PCDHGA4: variants seen among roughly 807,000 people sequenced by gnomAD.
PCDHGA4 encodes protocadherin gamma-A4.
In PCDHGA4, 38 loss-of-function variants were observed where a neutral mutation model predicts 54.6. That is an observed-to-expected ratio of 0.70 (90% CI 0.54 to 0.91). The LOEUF (loss-of-function observed/expected upper bound fraction) is 0.91. Ranked by LOEUF, PCDHGA4 falls within the 40% of genes least tolerant of loss-of-function variation. The probability of loss-of-function intolerance (pLI) is 0.00; values close to 1 mark genes in which losing one functional copy is unlikely to be tolerated. For synonymous variants in PCDHGA4, 511 were observed against 512.9 expected, an observed-to-expected ratio of 1.00 and a Z score of 0.05; for missense variants, 1,298 against 1,220.9, an observed-to-expected ratio of 1.06 and a Z score of -0.94.
chr5:141,393,187 A>T (rs1327222319), intron 1 of PCDHGA4: 1 of 1,613,380 alleles, frequency 6.2e-7, no homozygotes, highest in East Asian at 2.2e-5. Flanking sequence ...GAAATAATTG[A>T]TATTAACGAT....
At chr5:141,415,469 C>G (rs1247738517) in intron 1 of PCDHGA4, 1 of 1,614,090 alleles carries the variant, frequency 6.2e-7, no homozygotes, top group Non-Finnish European at 8.5e-7. Context: ...TCTCTCACCG[C>G]GGACTCGCGA....
In PCDHGA4 at chr5:141,471,102, G is replaced by A. The variant is rs922174682; in HGVS notation, c.2515-23705G>A. 3.4e-5 allele frequency among the ~76,000 whole-genome samples: 5 copies of A among 146,522 alleles called. No individual in the cohort carries two copies. The Admixed American group carries it at 3.5e-4, about 10-fold the overall frequency. On this transcript the variant is annotated intron_variant, in intron 1 of 3. Coordinates refer to ENST00000571252, the MANE Select transcript of PCDHGA4 (RefSeq NM_018917.4). ...CTCCCTCTGTTGTCCAGGCTAGAGTGCAGTGGTGCGATCTTACCTTCACTG... is the reference window on the plus strand; with the variant it reads ...CTCCCTCTGTTGTCCAGGCTAGAGTACAGTGGTGCGATCTTACCTTCACTG...
intron 1 of PCDHGA4, chr5:141,390,054 T>G (rs763200251): frequency 6.2e-7 from 1 of 1,614,070 alleles, no homozygotes; most frequent in Non-Finnish European, 8.5e-7. Context: ...CTCCTGGAGC[T>G]GCTTCCAGCC....
At chr5:141,390,455 T>C (rs2092151799) in intron 1 of PCDHGA4, 6 of 771,128 alleles carry the variant, frequency 7.8e-6, no homozygotes, top group Non-Finnish European at 1.2e-5. Context: ...AGGAGTAAAG[T>C]AGGAGCAATT....
At position 141,493,906 on chromosome 5, in the gene PCDHGA4, G is replaced by A. The variant is rs2099750764; in HGVS notation, c.2515-901G>A. ...CTCTAGGAGTGCTCCATGAGAGTGT[G>A]TGATGGGATAACACACCCCCTGGAA... is the stretch of plus-strand genomic sequence containing the variant. On this transcript the variant is annotated intron_variant, in intron 1 of 3. Transcript: ENST00000571252. The surrounding 1 kb of genome is among the most constrained non-coding windows in gnomAD (Gnocchi z 4.3). Among the ~76,000 whole-genome samples the A allele has an allele frequency of 6.6e-6, 1 of 152,200 alleles. No individual in the cohort carries two copies. Among genetic ancestry groups the A allele is most frequent in the Non-Finnish European group, 1.5e-5 (1 of 68,032 alleles).
chr5:141,439,579 G>A (rs980322898), intron 1 of PCDHGA4, among the ~76,000 whole-genome samples: 6 of 152,148 alleles, frequency 3.9e-5, no homozygotes, highest in African/African-American at 1.4e-4. Context: ...GGGACTCAGA[G>A]TGCCACTGTT....
intron 1 of PCDHGA4, chr5:141,375,937 A>G (rs777064247): frequency 1.5e-5 from 24 of 1,613,516 alleles, no homozygotes; most frequent in African/African-American, 6.7e-5. Flanking sequence ...GACTTTTCTC[A>G]GTGGGCCTGC....
At chr5:141,383,365 G>A (rs763555331) in intron 1 of PCDHGA4, 9 of 1,614,014 alleles carry the variant, frequency 5.6e-6, no homozygotes, top group Admixed American at 3.3e-5. Flanking sequence ...TCCGTTAAGC[G>A]AGGCTGGGGA....
At chr5:141,466,765 G>A (rs1199343616) in intron 1 of PCDHGA4, among the ~76,000 whole-genome samples, 1 of 151,996 alleles carries the variant, frequency 6.6e-6, no homozygotes, top group African/African-American at 2.4e-5. Context: ...TTTTCAAACT[G>A]TTATCTTATT....
At chr5:141,474,361 T>C (rs2099347915) in intron 1 of PCDHGA4, among the ~76,000 whole-genome samples, 2 of 152,210 alleles carry the variant, frequency 1.3e-5, no homozygotes, top group South Asian at 2.1e-4. Context: ...CATGTCTCAG[T>C]AGGTCTAGAG....
At chr5:141,449,266 G>T (rs1398403120) in intron 1 of PCDHGA4, among the ~76,000 whole-genome samples, 1 of 152,042 alleles carries the variant, frequency 6.6e-6, no homozygotes, top group Non-Finnish European at 1.5e-5. Context: ...ACAAAGAACT[G>T]TATCTCCTTC....
rs777990962 is a variant in PCDHGA4, at chr5:141,431,580, A to T, written c.2515-63227A>T. ...GCTACCGACCCTGACGAAGGAGTCA[A>T]TGCGGAAGTGAGGTATTCCTTCCGG... is the stretch of plus-strand genomic sequence containing the variant. On this transcript the variant is annotated intron_variant, in intron 1 of 3. Coordinates refer to ENST00000571252, the MANE Select transcript of PCDHGA4 (RefSeq NM_018917.4). The surrounding 1 kb of genome is among the most constrained non-coding windows in gnomAD (Gnocchi z 4.8). The T allele has an allele frequency of 6.2e-7, 1 of 1,614,216 alleles. No individual in the cohort carries two copies.
intron 1 of PCDHGA4, among the ~76,000 whole-genome samples, chr5:141,450,166 T>TCCCACCACACC (rs1046248061): frequency 2.0e-5 from 3 of 151,062 alleles, no homozygotes; most frequent in African/African-American, 7.3e-5. Flanking sequence ...GCCACCACAC[T>TCCCACCACACC]CCCACCACAC....
chr5:141,390,185 T>C, intron 1 of PCDHGA4: 1 of 1,614,042 alleles, frequency 6.2e-7, no homozygotes, highest in Non-Finnish European at 8.5e-7. Context: ...TCCTAAAATG[T>C]AGTGAGCAGT....
chr5:141,389,196 C>T, intron 1 of PCDHGA4: 1 of 1,614,048 alleles, frequency 6.2e-7, no homozygotes, highest in South Asian at 1.1e-5. Flanking sequence ...CAGCATCACC[C>T]TGCACATTGG....
Position 141,393,456 on chromosome 5 carries a change from T to A in PCDHGA4, c.2514+35835T>A. ...TGCTCACCACCTGGTCCTCACGGCC[T>A]CGGATGGCGGCAAGCCGCCTCGCTC... On this transcript the variant is annotated intron_variant, in intron 1 of 3. Coordinates refer to ENST00000571252, the MANE Select transcript of PCDHGA4 (RefSeq NM_018917.4). 1 of 1,614,026 alleles carries A rather than the reference T, an allele frequency of 6.2e-7. No individual in the cohort carries two copies. Among genetic ancestry groups the A allele is most frequent in the African/African-American group, 1.3e-5 (1 of 75,058 alleles).
chr5:141,378,619 T>G (rs190214323), intron 1 of PCDHGA4: 1 of 152,306 alleles, frequency 6.6e-6, no homozygotes, highest in African/African-American at 2.4e-5. Context: ...TAAAAATAGA[T>G]GACTGACTGG....
In PCDHGA4 at chr5:141,388,603, C is replaced by T. The variant is rs558931275; in HGVS notation, c.2514+30982C>T. The T allele has an allele frequency of 6.9e-5, 111 of 1,613,860 alleles. 1 individual carries two copies. The South Asian group carries it at 1.2e-3, about 18-fold the overall frequency. ...GTGACTGATGCCAATGATAATGCTCCAGTGTTCAGTCAAGACGTATACAGG... is the reference window on the plus strand; with the variant it reads ...GTGACTGATGCCAATGATAATGCTCTAGTGTTCAGTCAAGACGTATACAGG... On this transcript the variant is annotated intron_variant, in intron 1 of 3. Transcript: ENST00000571252.
chr5:141,414,572 C>T, intron 1 of PCDHGA4: 1 of 1,613,960 alleles, frequency 6.2e-7, no homozygotes, highest in Non-Finnish European at 8.5e-7. Context: ...ACCTATATCC[C>T]AGAGAACAAC....
Sources: gnomAD v4.1 joint callset for allele counts (sites outside exome capture counted in the v4.1 genomes callset) on GRCh38, gnomAD v4.1.1 for gene constraint, Gnocchi (gnomAD v3.1) non-coding constraint, MANE v1.5 for transcripts, NCBI Gene and HGNC (gene_info 2026-07-23, HGNC 2026-07-21) for gene names.